Variants in TRPV3 observed in about 807,000 individuals in gnomAD.
The protein encoded by TRPV3 is transient receptor potential cation channel subfamily V member 3, also known as VRL-3.
TRPV3 carries 88 observed loss-of-function variants against 87.1 expected under a neutral mutation model. That is an observed-to-expected ratio of 1.01 (90% CI 0.85 to 1.21). TRPV3 has a LOEUF of 1.21. Among genes scored for constraint, TRPV3 ranks in the 50% most tolerant of loss-of-function variants. The pLI is 0.00. For synonymous variants in TRPV3, 438 were observed against 423.3 expected (o/e 1.03, Z -0.43); for missense variants, 1,054 against 1,030.1 (o/e 1.02, Z -0.32).
chr17:3,537,100 G>A (rs938990969), intron 6 of TRPV3, among the ~76,000 whole-genome samples: 2 of 152,114 alleles, frequency 1.3e-5, no homozygotes, highest in Non-Finnish European at 2.9e-5. Context: ...AAAGGTTTTT[G>A]GTTTTGGGGG....
intron 12 of TRPV3, among the ~76,000 whole-genome samples, chr17:3,524,657 G>A (rs951199095): frequency 4.0e-5 from 6 of 150,630 alleles, no homozygotes; most frequent in African/African-American, 5.0e-5. Context: ...GGTACTGCCC[G>A]GGAGGCCATA....
In TRPV3 at chr17:3,557,017, G is replaced by A. The variant is rs1212897499; in HGVS notation, c.-3+659C>T. 1.3e-5 allele frequency among the ~76,000 whole-genome samples: 2 copies of A among 152,054 alleles called. No homozygotes were observed. The highest frequency in any genetic ancestry group is 2.1e-4 in the South Asian group (1 of 4,812). On this transcript the variant is annotated intron_variant, in intron 1 of 17. Coordinates refer to ENST00000576742, the MANE Select transcript of TRPV3 (RefSeq NM_145068.4). This position sits in a 1 kb window ranked among gnomAD's most constrained non-coding sequence, Gnocchi z 4.5. ...GTTGCTCTCTCTCTTCTCTGGGCCC[G>A]AGAATGTGGCCTGCCCTGGGCCTCT...
Position 3,514,625 on chromosome 17 carries a change from A to G in TRPV3, c.2246T>C (p.Leu749Pro). 1 of 1,614,152 alleles carries G rather than the reference A, an allele frequency of 6.2e-7. No homozygotes were observed. The highest frequency in any genetic ancestry group is 8.5e-7 in the Non-Finnish European group (1 of 1,179,982). The part of the protein sequence containing the change: ...WTEWKTHVSF[L>P]NEDPGPVRRT... ...TCTTACAGGCCCCGGGTCTTCGTTA[A>G]GGAAGGAGACGTGCGTCTTCCATTC... Residue 749 changes from leucine (L) to proline (P), a missense_variant, in exon 17 of 18, where the codon CTT becomes CCT. Physicochemically the swap from Leu to Pro is moderately conservative, Grantham distance 98. Coordinates refer to ENST00000576742, the MANE Select transcript of TRPV3 (RefSeq NM_145068.4).
Position 3,518,942 on chromosome 17 carries a change from G to T in TRPV3, c.1811-92C>A, listed in dbSNP as rs2074208414. 3.7e-6 allele frequency: 5 copies of T among 1,364,702 alleles called. No individual in the cohort carries two copies. In the Admixed American group the frequency reaches 6.8e-5, roughly 19 times the overall value. The allele number at this position is 1,364,702 out of a possible 1,614,324, so 84.5% of individuals were successfully genotyped here. ...TATTTGCCTACATGACAAGCCTGCT[G>T]CCTCCTTCTCTCTGGCCATTAAATC... On this transcript the variant is annotated intron_variant, in intron 14 of 17. Coordinates refer to ENST00000576742, the MANE Select transcript of TRPV3 (RefSeq NM_145068.4). The surrounding 1 kb of genome is among the most constrained non-coding windows in gnomAD (Gnocchi z 4.3).
chr17:3,549,365 G>T (rs541927535), intron 2 of TRPV3, among the ~76,000 whole-genome samples: 1 of 152,154 alleles, frequency 6.6e-6, no homozygotes, highest in Non-Finnish European at 1.5e-5. Context: ...CCAGTGAGTT[G>T]GTCAGAACTG....
At chr17:3,537,764 A>C (rs1200170815) in intron 6 of TRPV3, among the ~76,000 whole-genome samples, 1 of 151,414 alleles carries the variant, frequency 6.6e-6, no homozygotes, top group African/African-American at 2.4e-5. Flanking sequence ...AAATTAGCCA[A>C]GTGTGGTGGC....
chr17:3,555,304 G>A (rs542742976), intron 1 of TRPV3, among the ~76,000 whole-genome samples: 2 of 152,308 alleles, frequency 1.3e-5, no homozygotes, highest in Admixed American at 6.5e-5. Context: ...GTCCCTCTCC[G>A]ATTTTGTGAT....
chr17:3,519,904 A>AGATT (rs2074229812), intron 14 of TRPV3, among the ~76,000 whole-genome samples: 1 of 113,392 alleles, frequency 8.8e-6, no homozygotes. Context: ...ATGGATGATT[A>AGATT]GATGGATGGA....
intron 7 of TRPV3, among the ~76,000 whole-genome samples, chr17:3,533,570 C>T (rs1377242509): frequency 6.6e-6 from 1 of 151,750 alleles, no homozygotes; most frequent in Non-Finnish European, 1.5e-5. Context: ...GCGATCTCGC[C>T]TCACTGCAAC....
rs894401488 is a variant in TRPV3, at chr17:3,545,376, C to T, written c.120-105G>A. ...GGGTGCCCCCATGCTGAGCACACAC[C>T]CTGGCCAGCTCTGAGCCCAAATGGC... On this transcript the variant is annotated intron_variant, in intron 2 of 17. Coordinates refer to ENST00000576742, the MANE Select transcript of TRPV3 (RefSeq NM_145068.4). 1.7e-4 allele frequency: 135 copies of T among 801,660 alleles called. 1 individual carries two copies. Among genetic ancestry groups the T allele is most frequent in the Non-Finnish European group, 3.7e-5 (18 of 492,288 alleles). 49.7% of individuals were successfully genotyped at this position (801,660 alleles called of 1,614,324 possible).
rs1029307037 is a variant in TRPV3, at chr17:3,556,440, T to A, written c.-3+1236A>T. Among the ~76,000 whole-genome samples the A allele has an allele frequency of 6.6e-6, 1 of 151,456 alleles. No individual in the cohort carries two copies. The highest frequency in any genetic ancestry group is 2.4e-5 in the African/African-American group (1 of 41,138). ...GGGCTGTGTGGACAGGTGGTGACTG[T>A]GTGGTCAGGGGGTGCCACTCTCAGC... On this transcript the variant is annotated intron_variant, in intron 1 of 17. Coordinates refer to ENST00000576742, the MANE Select transcript of TRPV3 (RefSeq NM_145068.4). This position sits in a 1 kb window ranked among gnomAD's most constrained non-coding sequence, Gnocchi z 4.2.
At chr17:3,519,536 AGATG>A (rs1451308037) in intron 14 of TRPV3, among the ~76,000 whole-genome samples, 1 of 100,946 alleles carries the variant, frequency 9.9e-6, no homozygotes, top group Non-Finnish European at 2.0e-5. Flanking sequence ...ATGGATGGAT[AGATG>A]GATGGATGGA....
chr17:3,551,202 T>C (rs1346027256), intron 2 of TRPV3, among the ~76,000 whole-genome samples: 2 of 152,236 alleles, frequency 1.3e-5, no homozygotes, highest in Non-Finnish European at 2.9e-5. Flanking sequence ...TCTTGGCATC[T>C]GGAGCACCAG....
Position 3,528,610 on chromosome 17 carries a change from A to G in TRPV3, c.1401+227T>C, listed in dbSNP as rs1597475809. ...AGGGCCTGAGTCTCCGAATTCTCCA[A>G]CTTTCCTCCCAGCAAGGGTCTGCCC... On this transcript the variant is annotated intron_variant, in intron 10 of 17. Transcript: ENST00000576742. The surrounding 1 kb of genome is among the most constrained non-coding windows in gnomAD (Gnocchi z 4.2). Among the ~76,000 whole-genome samples the G allele has an allele frequency of 6.6e-6, 1 of 152,264 alleles. No homozygotes were observed. Among genetic ancestry groups the G allele is most frequent in the Middle Eastern group, 3.4e-3 (1 of 294 alleles).
At chr17:3,527,588 T>G in intron 11 of TRPV3, 1 of 231,594 alleles carries the variant, frequency 4.3e-6, no homozygotes, top group Non-Finnish European at 8.5e-6. Context: ...ATTGGATGGA[T>G]GGAAGGATGG....
At chr17:3,526,043 T>TA (rs1411342134) in intron 12 of TRPV3, among the ~76,000 whole-genome samples, 18 of 152,246 alleles carry the variant, frequency 1.2e-4, no homozygotes. Flanking sequence ...CACTGTCTTA[T>TA]AACATCAGAC....
At chr17:3,531,786 G>A (rs1381416340) in intron 8 of TRPV3, among the ~76,000 whole-genome samples, 1 of 152,208 alleles carries the variant, frequency 6.6e-6, no homozygotes, top group Non-Finnish European at 1.5e-5. Flanking sequence ...CTCTGTTGAA[G>A]CCGTTCTCCA....
rs1255106064 is a variant in TRPV3, at chr17:3,513,909, T to G, written c.*8A>C. 3 of 1,612,990 alleles carry G rather than the reference T, an allele frequency of 1.9e-6. No individual in the cohort carries two copies. The highest frequency in any genetic ancestry group is 2.2e-5 in the South Asian group (2 of 91,034). ...AGCGCACGCGCACACCAGCTCTGGG[T>G]TCCGCTTCTACACCGAGGTTTCCGG... On this transcript the variant is annotated 3_prime_UTR_variant, in exon 18 of 18. Coordinates refer to ENST00000576742, the MANE Select transcript of TRPV3 (RefSeq NM_145068.4).
At position 3,544,567 on chromosome 17, in the gene TRPV3, G is replaced by A. The variant is rs1170586256; in HGVS notation, c.311+12C>T. On this transcript the variant is annotated intron_variant, in intron 4 of 17. Transcript: ENST00000576742. ...GTGGGCACAGTGGGTGGAGGGGGAGGGGCAGACTTACCTGGGGCTGTTGGG... is the reference window on the plus strand; with the variant it reads ...GTGGGCACAGTGGGTGGAGGGGGAGAGGCAGACTTACCTGGGGCTGTTGGG... 6 of 1,574,838 alleles carry A rather than the reference G, an allele frequency of 3.8e-6. No individual in the cohort carries two copies. The highest frequency in any genetic ancestry group is 4.3e-6 in the Non-Finnish European group (5 of 1,155,310).
Sources: gnomAD v4.1 joint callset for allele counts (sites outside exome capture counted in the v4.1 genomes callset) on GRCh38, gnomAD v4.1.1 for gene constraint, Gnocchi (gnomAD v3.1) non-coding constraint, MANE v1.5 for transcripts, NCBI Gene and HGNC (gene_info 2026-07-23, HGNC 2026-07-21) for gene names.